Variants in WWC1 observed in about 807,000 individuals in gnomAD.
WWC1 encodes the protein protein KIBRA.
WWC1 carries 55 observed loss-of-function variants against 138.4 expected under a neutral mutation model. The observed-to-expected ratio is 0.40, with a 90% CI of 0.32 to 0.50. The LOEUF is 0.50. Ranked by LOEUF, WWC1 falls within the 20% of genes least tolerant of loss-of-function variation. WWC1 has a pLI of 0.72. For synonymous variants in WWC1, 524 were observed against 564.9 expected, an observed-to-expected ratio of 0.93 and a Z score of 1.03; for missense variants, 1,226 against 1,420.4, an observed-to-expected ratio of 0.86 and a Z score of 2.20.
intron 11 of WWC1, among the ~76,000 whole-genome samples, chr5:168,426,554 A>G (rs1182545469): frequency 6.6e-6 from 1 of 152,182 alleles, no homozygotes; most frequent in African/African-American, 2.4e-5. Context: ...TAAGCAGGTT[A>G]TGTGATTAGT....
chr5:168,389,133 A>G (rs1297422635), intron 3 of WWC1, among the ~76,000 whole-genome samples: 1 of 152,172 alleles, frequency 6.6e-6, no homozygotes, highest in African/African-American at 2.4e-5. Flanking sequence ...CACTATGAGA[A>G]TGAAACATTC....
chr5:168,378,409 C>G (rs1777385152), intron 2 of WWC1, among the ~76,000 whole-genome samples: 1 of 152,088 alleles, frequency 6.6e-6, no homozygotes, highest in African/African-American at 2.4e-5. Flanking sequence ...CCCCCTGAAT[C>G]TAAAATTTAA....
chr5:168,448,134 G>A (rs1274885872), intron 17 of WWC1, among the ~76,000 whole-genome samples: 3 of 152,062 alleles, frequency 2.0e-5, no homozygotes, highest in Non-Finnish European at 4.4e-5. Flanking sequence ...CTTACAAAGG[G>A]GGCTGGGGAT....
Position 168,460,586 on chromosome 5 carries a change from C to T in WWC1, c.2824-64C>T, listed in dbSNP as rs1315568684. The T allele has an allele frequency of 3.3e-6, 5 of 1,534,184 alleles. 1 individual carries two copies. The highest frequency in any genetic ancestry group is 2.3e-5 in the South Asian group (2 of 88,406). On this transcript the variant is annotated intron_variant, in intron 19 of 22. Transcript: ENST00000265293. ...TGGAGGAACCTGACCTCCCTCTAGG[C>T]TTCAGTGCACCTTCCAGAATGCACT...
At chr5:168,441,110 C>T (rs894442003) in intron 15 of WWC1, among the ~76,000 whole-genome samples, 1 of 152,178 alleles carries the variant, frequency 6.6e-6, no homozygotes, top group Non-Finnish European at 1.5e-5. Flanking sequence ...AATTCTGATA[C>T]ATGCTGCGAC....
chr5:168,361,947 G>T (rs1342625883), intron 1 of WWC1, among the ~76,000 whole-genome samples: 1 of 152,142 alleles, frequency 6.6e-6, no homozygotes, highest in Non-Finnish European at 1.5e-5. Context: ...GCCGGGCATG[G>T]TGGCAGGCGC....
intron 15 of WWC1, among the ~76,000 whole-genome samples, chr5:168,436,671 T>A (rs1782372902): frequency 6.6e-6 from 1 of 152,142 alleles, no homozygotes; most frequent in African/African-American, 2.4e-5. Flanking sequence ...CTTCCATTGC[T>A]CAGGCCAGAC....
intron 1 of WWC1, among the ~76,000 whole-genome samples, chr5:168,297,180 T>C (rs1769609900): frequency 6.6e-6 from 1 of 152,196 alleles, no homozygotes; most frequent in Non-Finnish European, 1.5e-5. Flanking sequence ...AAGTCTGACA[T>C]GCAGGGGACA....
At chr5:168,312,037 A>C (rs1467510127) in intron 1 of WWC1, among the ~76,000 whole-genome samples, 1 of 151,214 alleles carries the variant, frequency 6.6e-6, no homozygotes, top group African/African-American at 2.4e-5. Flanking sequence ...TGACGGAGCA[A>C]GACTCAGTCT....
At chr5:168,339,441 G>A (rs1773787378) in intron 1 of WWC1, among the ~76,000 whole-genome samples, 1 of 152,150 alleles carries the variant, frequency 6.6e-6, no homozygotes, top group South Asian at 2.1e-4. Context: ...TTTGCCAGGT[G>A]GTTCTGACTT....
At chr5:168,374,769 G>A (rs1469056813) in intron 2 of WWC1, among the ~76,000 whole-genome samples, 2 of 152,210 alleles carry the variant, frequency 1.3e-5, no homozygotes, top group Non-Finnish European at 2.9e-5. Context: ...AAGGGTGGAG[G>A]CAAGGAGACT....
intron 1 of WWC1, among the ~76,000 whole-genome samples, chr5:168,344,733 T>C (rs1056227771): frequency 2.0e-5 from 3 of 152,120 alleles, no homozygotes; most frequent in Admixed American, 1.3e-4. Context: ...GTGCAGGGGG[T>C]TCATATTCCA....
chr5:168,325,857 G>C (rs1466179163), intron 1 of WWC1, among the ~76,000 whole-genome samples: 1 of 151,974 alleles, frequency 6.6e-6, no homozygotes, highest in East Asian at 1.9e-4. Context: ...CTGGCTCTAT[G>C]AGTTTGACTA....
intron 11 of WWC1, among the ~76,000 whole-genome samples, chr5:168,426,031 G>C (rs1011525579): frequency 6.6e-6 from 1 of 152,218 alleles, no homozygotes; most frequent in African/African-American, 2.4e-5. Flanking sequence ...TGTGGCTCCA[G>C]GCATGGGCAG....
intron 1 of WWC1, chr5:168,316,565 G>A (rs1771619083): frequency 6.6e-6 from 1 of 152,274 alleles, no homozygotes; most frequent in East Asian, 1.9e-4. Flanking sequence ...GGAGGTCCAG[G>A]TGAGGGCAGC....
At chr5:168,449,440 T>C (rs1755593125) in intron 17 of WWC1, among the ~76,000 whole-genome samples, 1 of 152,220 alleles carries the variant, frequency 6.6e-6, no homozygotes, top group Admixed American at 6.5e-5. Flanking sequence ...GATCATCTCT[T>C]TGAGCACTGT....
rs1350453413 is a variant in WWC1 at position 168,292,325 on chromosome 5, C to G, written c.119+54C>G. On this transcript the variant is annotated intron_variant, in intron 1 of 22. Coordinates refer to ENST00000265293, the MANE Select transcript of WWC1 (RefSeq NM_015238.3). The surrounding 1 kb of genome is among the most constrained non-coding windows in gnomAD (Gnocchi z 4.4). ...CCCACACCCCCGCCTGGGCCCCCACCTGCCCCTGGAGCCGCCGGCCGGGAC... is the reference window on the plus strand; with the variant it reads ...CCCACACCCCCGCCTGGGCCCCCACGTGCCCCTGGAGCCGCCGGCCGGGAC... 1.3e-6 allele frequency: 2 copies of G among 1,534,524 alleles called. No individual in the cohort carries two copies. Among genetic ancestry groups the G allele is most frequent in the Non-Finnish European group, 1.8e-6 (2 of 1,139,770 alleles).
At chr5:168,451,179 T>A (rs1755782086) in intron 17 of WWC1, among the ~76,000 whole-genome samples, 1 of 152,024 alleles carries the variant, frequency 6.6e-6, no homozygotes, top group Non-Finnish European at 1.5e-5. Flanking sequence ...CCACCACACC[T>A]GGCTAATTTT....
chr5:168,302,846 C>G (rs1168568605), intron 1 of WWC1, among the ~76,000 whole-genome samples: 4 of 152,092 alleles, frequency 2.6e-5, no homozygotes, highest in Non-Finnish European at 4.4e-5. Context: ...GGGATTAAAC[C>G]AACAAAAATC....
Sources: gnomAD v4.1 joint callset for allele counts (sites outside exome capture counted in the v4.1 genomes callset) on GRCh38, gnomAD v4.1.1 for gene constraint, Gnocchi (gnomAD v3.1) non-coding constraint, MANE v1.5 for transcripts, NCBI Gene and HGNC (gene_info 2026-07-23, HGNC 2026-07-21) for gene names.